PIAS1: variants seen among roughly 807,000 people sequenced by gnomAD.
The protein encoded by PIAS1 is E3 SUMO-protein ligase PIAS1.
PIAS1 carries 6 observed loss-of-function variants against 71.3 expected under a neutral mutation model. The ratio of observed to expected loss-of-function variants is 0.08; its 90% CI spans 0.05 to 0.17. The LOEUF is 0.17. Ranked by LOEUF, PIAS1 falls within the 10% of genes least tolerant of loss-of-function variation. The pLI, the probability that PIAS1 is intolerant of heterozygous loss-of-function variation, is 1.00. For missense variants in PIAS1, 555 were observed against 793.6 expected (o/e 0.70, Z 3.61); for synonymous variants, 303 against 292.9 (o/e 1.03, Z -0.35).
chr15:68,066,739 A>G (rs2092032161), intron 1 of PIAS1, among the ~76,000 whole-genome samples: 1 of 152,180 alleles, frequency 6.6e-6, no homozygotes, highest in Non-Finnish European at 1.5e-5. Flanking sequence ...TTGTCCCAGA[A>G]GTTATTCTAA....
At chr15:68,153,389 A>G (rs1049412500) in intron 6 of PIAS1, among the ~76,000 whole-genome samples, 2 of 152,192 alleles carry the variant, frequency 1.3e-5, no homozygotes, top group African/African-American at 4.8e-5. Context: ...ATCCTCATCC[A>G]TAAAAACAGG....
intron 2 of PIAS1, among the ~76,000 whole-genome samples, chr15:68,129,853 G>A (rs2092677691): frequency 6.6e-6 from 1 of 151,076 alleles, no homozygotes; most frequent in Non-Finnish European, 1.5e-5. Flanking sequence ...ATAGATTTAT[G>A]TGTGCTTATA....
chr15:68,114,625 C>T (rs1285533573), intron 2 of PIAS1, among the ~76,000 whole-genome samples: 1 of 152,008 alleles, frequency 6.6e-6, no homozygotes, highest in Admixed American at 6.6e-5. Context: ...TTTCTTTCTG[C>T]TGGTGAGGTG....
chr15:68,153,046 T>C (rs1450310486), intron 6 of PIAS1, among the ~76,000 whole-genome samples: 4 of 152,024 alleles, frequency 2.6e-5, no homozygotes, highest in Admixed American at 2.6e-4. Flanking sequence ...GTTGTGATAA[T>C]GGCCCAAGTA....
intron 2 of PIAS1, among the ~76,000 whole-genome samples, chr15:68,112,202 G>A (rs184510089): frequency 3.2e-4 from 49 of 152,158 alleles, no homozygotes; most frequent in African/African-American, 1.1e-3. Flanking sequence ...TTCTACACTT[G>A]CACATTAGAT....
At chr15:68,141,664 A>G (rs2092771015) in intron 2 of PIAS1, among the ~76,000 whole-genome samples, 1 of 152,264 alleles carries the variant, frequency 6.6e-6, no homozygotes, top group South Asian at 2.1e-4. Context: ...TTAGATGCAA[A>G]CATTTATATG....
intron 2 of PIAS1, among the ~76,000 whole-genome samples, chr15:68,100,314 G>C (rs186710851): frequency 6.6e-6 from 1 of 152,202 alleles, no homozygotes; most frequent in Non-Finnish European, 1.5e-5. Flanking sequence ...ATGTGTATTT[G>C]TAGCTCTGTG....
chr15:68,191,012 T>C lies in PIAS1; in HGVS notation c.*3177T>C, dbSNP rs2093117099. 1 of 152,380 alleles carries C rather than the reference T, an allele frequency of 6.6e-6. No individual in the cohort carries two copies. Among genetic ancestry groups the C allele is most frequent in the Non-Finnish European group, 1.5e-5 (1 of 68,032 alleles). 9.4% of individuals were successfully genotyped at this position (152,380 alleles called of 1,614,324 possible). A position where few individuals can be genotyped will look rare whatever the true frequency, so the allele number is the denominator to read the frequency against. On this transcript the variant is annotated 3_prime_UTR_variant, in exon 14 of 14. Transcript: ENST00000249636. The stretch of plus-strand genomic sequence containing the variant: ...TTAGACAATTTCAATTTTAAACACA[T>C]AAAACTTTCAAGATCTTCAGGACTT...
Position 68,192,186 on chromosome 15 carries a change from A to G in PIAS1, c.*4351A>G, listed in dbSNP as rs1399724047. ...GTGCAGGATTTACTTCCTAATGTCC[A>G]TGACTGGAGCTCAAAAGAACTGTGG... On this transcript the variant is annotated 3_prime_UTR_variant, in exon 14 of 14. Transcript: ENST00000249636. The G allele has an allele frequency of 2.0e-5, 3 of 152,006 alleles. No homozygotes were observed. Among genetic ancestry groups the G allele is most frequent in the Non-Finnish European group, 4.4e-5 (3 of 68,020 alleles). 9.4% of individuals were successfully genotyped at this position (152,006 alleles called of 1,614,324 possible).
At chr15:68,133,495 A>G (rs1489488194) in intron 2 of PIAS1, among the ~76,000 whole-genome samples, 1 of 152,158 alleles carries the variant, frequency 6.6e-6, no homozygotes, top group African/African-American at 2.4e-5. Context: ...AGCTATAACA[A>G]AAAATAGAGT....
At chr15:68,166,054 TCAAA>T (rs2092955916) in intron 8 of PIAS1, among the ~76,000 whole-genome samples, 1 of 152,284 alleles carries the variant, frequency 6.6e-6, no homozygotes, top group South Asian at 2.1e-4. Flanking sequence ...TTATGAAACT[TCAAA>T]CATGAAAAAA....
Position 68,066,871 on chromosome 15 carries a change from A to C in PIAS1, c.24+12521A>C, listed in dbSNP as rs74020019. Among the ~76,000 whole-genome samples, 728 of 152,318 alleles carry C rather than the reference A, an allele frequency of 4.8e-3. 6 individuals are homozygous for C. Among genetic ancestry groups the C allele is most frequent in the African/African-American group, 0.016 (671 of 41,570 alleles). ...GAACATGAATTTTAGAATTGCCATT[A>C]GTCTTCACCTCTGAATTTAGATAGT... On this transcript the variant is annotated intron_variant, in intron 1 of 13. Coordinates refer to ENST00000249636, the MANE Select transcript of PIAS1 (RefSeq NM_016166.3).
chr15:68,083,824 G>A (rs1159387680), intron 1 of PIAS1, among the ~76,000 whole-genome samples: 3 of 150,818 alleles, frequency 2.0e-5, no homozygotes, highest in Non-Finnish European at 4.4e-5. Flanking sequence ...TTGAGCCTAG[G>A]TGTTTGAGAA....
At chr15:68,087,969 A>G (rs2092297793) in intron 2 of PIAS1, 2 of 265,790 alleles carry the variant, frequency 7.5e-6, no homozygotes, top group African/African-American at 4.5e-5. Flanking sequence ...CTGTATGCTT[A>G]TAAAACTGAC....
chr15:68,151,232 A>G (rs1250094825), intron 6 of PIAS1, among the ~76,000 whole-genome samples: 2 of 152,018 alleles, frequency 1.3e-5, no homozygotes, highest in African/African-American at 2.4e-5. Flanking sequence ...TTCATTTTAT[A>G]TTACCAGTAC....
rs949407106 is a variant in PIAS1 at position 68,171,233 on chromosome 15, C to T, written c.1009-2499C>T. Among the ~76,000 whole-genome samples, 6 of 152,064 alleles carry T rather than the reference C, an allele frequency of 3.9e-5. No homozygotes were observed. The East Asian group carries it at 7.7e-4, about 19-fold the overall frequency. ...ACCTCCACATCTTTTCCCACTGGAA[C>T]GTCTTCAGTGGCAGTAACAGACATG... On this transcript the variant is annotated intron_variant, in intron 8 of 13. Transcript: ENST00000249636. The surrounding 1 kb of genome is among the most constrained non-coding windows in gnomAD (Gnocchi z 4.4).
At chr15:68,065,377 C>T (rs1334562455) in intron 1 of PIAS1, among the ~76,000 whole-genome samples, 1 of 151,890 alleles carries the variant, frequency 6.6e-6, no homozygotes, top group African/African-American at 2.4e-5. Flanking sequence ...AGTGCTTAAG[C>T]TCAGGGGTTC....
At chr15:68,055,316 C>T (rs1034748220) in intron 1 of PIAS1, 1 of 520,042 alleles carries the variant, frequency 1.9e-6, no homozygotes, top group African/African-American at 2.1e-5. Flanking sequence ...CGAAATTCTC[C>T]CCTCATGCTA....
Position 68,086,612 on chromosome 15 carries a change from G to C in PIAS1, c.331G>C (p.Val111Leu), listed in dbSNP as rs778035039. ...GHPASSPLLPVSLLGPKHELE... is the reference protein window; with the variant it reads ...GHPASSPLLPLSLLGPKHELE... ...CCCTGCATCATCGCCATTACTCCCTGTTTCTCTTCTGGGACCTAAACATGA... is the reference window on the plus strand; with the variant it reads ...CCCTGCATCATCGCCATTACTCCCTCTTTCTCTTCTGGGACCTAAACATGA... Residue 111 changes from valine to leucine, a missense_variant, in exon 2 of 14, where the codon GTT (valine) becomes CTT (leucine). Physicochemically the swap from Val to Leu is conservative, Grantham distance 32. Transcript: ENST00000249636. The surrounding 1 kb of genome is among the most constrained non-coding windows in gnomAD (Gnocchi z 7.2). 5.6e-6 allele frequency: 9 copies of C among 1,613,702 alleles called. No individual in the cohort carries two copies. The highest frequency in any genetic ancestry group is 3.3e-5 in the Admixed American group (2 of 59,992).
Sources: allele counts gnomAD v4.1 joint callset (sites outside exome capture counted in the v4.1 genomes callset), GRCh38; gene constraint gnomAD v4.1.1; non-coding constraint Gnocchi (gnomAD v3.1); transcripts MANE v1.5; gene names NCBI Gene and HGNC (gene_info 2026-07-23, HGNC 2026-07-21).